The following OLFML2B variants were observed in gnomAD, a reference collection of about 807,000 sequenced individuals.
OLFML2B encodes the protein olfactomedin like 2B.
In OLFML2B, 57 loss-of-function variants were observed where a neutral mutation model predicts 74.9. The ratio of observed to expected loss-of-function variants is 0.76; its 90% CI spans 0.61 to 0.95. OLFML2B has a LOEUF of 0.95. OLFML2B is among the 40% of genes least tolerant of loss of function. The pLI, the probability that OLFML2B is intolerant of heterozygous loss-of-function variation, is 0.00. For synonymous variants in OLFML2B, 388 were observed against 405.8 expected, an observed-to-expected ratio of 0.96 and a Z score of 0.53; for missense variants, 986 against 970.6, an observed-to-expected ratio of 1.02 and a Z score of -0.21.
chr1:162,015,470 G>A (rs528907452), intron 3 of OLFML2B, among the ~76,000 whole-genome samples: 14 of 152,278 alleles, frequency 9.2e-5, no homozygotes, highest in Admixed American at 7.8e-4. Context: ...TGTTCTCCAG[G>A]CAGAATGGCA....
Position 162,005,981 on chromosome 1 carries a change from C to CAT in OLFML2B, c.723+314_723+315dup, listed in dbSNP as rs536630685. Among the ~76,000 whole-genome samples, 243 of 149,922 alleles carry CAT rather than the reference C, an allele frequency of 1.6e-3. 2 individuals carry two copies. Among genetic ancestry groups the CAT allele is most frequent in the African/African-American group, 5.9e-3 (239 of 40,744 alleles). Reference sequence around the variant, plus strand: ...GGATGGTCCCAGACAAGCCAGCATGCATATCTTCCCTATTTACAAACACAA... The same window carrying CAT: ...GGATGGTCCCAGACAAGCCAGCATGCATATATCTTCCCTATTTACAAACACAA... On this transcript the variant is annotated intron_variant, in intron 4 of 7. Coordinates refer to ENST00000294794, the MANE Select transcript of OLFML2B (RefSeq NM_015441.3).
intron 6 of OLFML2B, among the ~76,000 whole-genome samples, chr1:161,986,763 A>G (rs1205121171): frequency 6.6e-6 from 1 of 152,176 alleles, no homozygotes; most frequent in African/African-American, 2.4e-5. Context: ...GCCCTAGCTC[A>G]CCATGAGGAT....
chr1:161,999,450 C>T (rs575177197), intron 5 of OLFML2B, among the ~76,000 whole-genome samples: 121 of 152,162 alleles, frequency 8.0e-4, no homozygotes, highest in African/African-American at 2.7e-3. Context: ...ATGGTGGAGG[C>T]AAAGGCAGAA....
At chr1:162,010,278 G>T (rs536820416) in intron 3 of OLFML2B, among the ~76,000 whole-genome samples, 1 of 152,250 alleles carries the variant, frequency 6.6e-6, no homozygotes, top group Non-Finnish European at 1.5e-5. Flanking sequence ...AGTGCCATGT[G>T]CAGGAGAGGT....
At chr1:162,017,160 T>C (rs1221332783) in intron 3 of OLFML2B, among the ~76,000 whole-genome samples, 1 of 152,174 alleles carries the variant, frequency 6.6e-6, no homozygotes, top group Admixed American at 6.5e-5. Flanking sequence ...GGTTATATGA[T>C]TAAGGGGATT....
Position 162,017,444 on chromosome 1 carries a change from A to T in OLFML2B, c.502T>A (p.Ser168Thr). ...FYGLDLLKLH[S>T]VTTKLVGRVD... ...CGCCCCACCAGTTTGGTGGTGACTGAATGTAGCTTCAGGAGATCCAGGCCA... is the reference window on the plus strand; with the variant it reads ...CGCCCCACCAGTTTGGTGGTGACTGTATGTAGCTTCAGGAGATCCAGGCCA... The change falls in exon 3 of 8, where the codon TCA becomes ACA. Residue 168 changes from serine to threonine, a missense_variant. Physicochemically the swap from Ser to Thr is moderately conservative, Grantham distance 58 (BLOSUM62 1). Coordinates refer to ENST00000294794, the MANE Select transcript of OLFML2B (RefSeq NM_015441.3). The T allele has an allele frequency of 6.2e-7, 1 of 1,613,736 alleles. No homozygotes were observed. Among genetic ancestry groups the T allele is most frequent in the Non-Finnish European group, 8.5e-7 (1 of 1,179,870 alleles).
intron 6 of OLFML2B, among the ~76,000 whole-genome samples, chr1:161,986,134 A>G (rs980854461): frequency 8.6e-5 from 13 of 151,968 alleles, no homozygotes; most frequent in African/African-American, 3.1e-4. Flanking sequence ...CAGCTTCCTT[A>G]CCCCCTGCTG....
At chr1:162,005,139 T>C (rs1690183857) in intron 4 of OLFML2B, among the ~76,000 whole-genome samples, 1 of 152,246 alleles carries the variant, frequency 6.6e-6, no homozygotes, top group Non-Finnish European at 1.5e-5. Context: ...AACAATTCAG[T>C]AAATAACCCA....
chr1:161,998,224 C>T lies in OLFML2B; in HGVS notation c.1075G>A (p.Ala359Thr), dbSNP rs761951928. ...PAATRQGHST[A>T]VTSDLNARTA... The stretch of plus-strand genomic sequence containing the variant: ...CGAGCGTTCAGGTCGCTTGTCACAG[C>T]AGTGCTGTGTCCCTGACGGGTGGCT... The change falls in exon 6 of 8, where the codon GCT becomes ACT. Residue 359 changes from alanine (A) to threonine (T), a missense_variant. Coordinates refer to ENST00000294794, the MANE Select transcript of OLFML2B (RefSeq NM_015441.3). 7 of 1,613,846 alleles carry T rather than the reference C, an allele frequency of 4.3e-6. No individual in the cohort carries two copies. The African/African-American group carries it at 9.3e-5, about 22-fold the overall frequency.
rs78719065 is a variant in OLFML2B, at chr1:162,017,351, C to T, written c.546+49G>A. The stretch of plus-strand genomic sequence containing the variant: ...AATTTACTGTGGGACGTTTGATATG[C>T]TTTTGGGCTCAATCAAGAAAAAGAT... On this transcript the variant is annotated intron_variant, in intron 3 of 7. Coordinates refer to ENST00000294794, the MANE Select transcript of OLFML2B (RefSeq NM_015441.3). The T allele has an allele frequency of 5.4e-3, 7,784 of 1,428,872 alleles. 335 individuals carry two copies. The African/African-American group carries it at 0.093, about 17-fold the overall frequency. 88.5% of individuals were successfully genotyped at this position (1,428,872 alleles called of 1,614,324 possible).
At chr1:161,984,309 G>C in intron 7 of OLFML2B, 33 bp from the exon 8 acceptor site, 1 of 1,513,616 alleles carries the variant, frequency 6.6e-7, no homozygotes, top group East Asian at 2.3e-5. Context: ...AGGCTTCAGA[G>C]TGGCATGGCA....
chr1:162,015,116 T>C (rs1003335083), intron 3 of OLFML2B, among the ~76,000 whole-genome samples: 1 of 152,242 alleles, frequency 6.6e-6, no homozygotes, highest in Non-Finnish European at 1.5e-5. Flanking sequence ...CGTAATATGC[T>C]ATACAAATGT....
chr1:161,985,887 T>G (rs1689581103), intron 6 of OLFML2B, among the ~76,000 whole-genome samples: 1 of 152,178 alleles, frequency 6.6e-6, no homozygotes, highest in South Asian at 2.1e-4. Flanking sequence ...TGGCTCTGGA[T>G]CCGGTGCCCA....
At position 162,012,777 on chromosome 1, in the gene OLFML2B, CACTT is replaced by C. The variant is rs568322505; in HGVS notation, c.546+4619_546+4622del. On this transcript the variant is annotated intron_variant, in intron 3 of 7. Transcript: ENST00000294794. ...CATAAGCATTTCAAGCACTTATAAA[CACTT>C]ACAGGTATCCTGCAGCAAGGTGGGG... Among the ~76,000 whole-genome samples the C allele has an allele frequency of 9.9e-5, 15 of 152,188 alleles. No individual in the cohort carries two copies. The South Asian group carries it at 2.7e-3, about 27-fold the overall frequency.
rs1690662929 is a variant in OLFML2B, at chr1:162,020,187, A to G, written c.175-5T>C. 1 of 1,613,734 alleles carries G rather than the reference A, an allele frequency of 6.2e-7. No homozygotes were observed. The highest frequency in any genetic ancestry group is 8.5e-7 in the Non-Finnish European group (1 of 1,179,666). On this transcript the variant is annotated splice_region_variant and splice_polypyrimidine_tract_variant and intron_variant, in intron 1 of 7. Transcript: ENST00000294794. ...CTTGTCATAGTCCCCCAGCAACTAG[A>G]CACACAGAAAACGGGTTAGGGGCAT...
chr1:162,011,565 C>T (rs1370525209), intron 3 of OLFML2B, among the ~76,000 whole-genome samples: 1 of 152,202 alleles, frequency 6.6e-6, no homozygotes, highest in East Asian at 1.9e-4. Flanking sequence ...ATCCCTCCGA[C>T]CACAGCTGAT....
At position 162,006,207 on chromosome 1, in the gene OLFML2B, T is replaced by C. The variant is rs1409356046; in HGVS notation, c.723+90A>G. The C allele has an allele frequency of 2.6e-5, 33 of 1,273,848 alleles. 1 individual carries two copies. The highest frequency in any genetic ancestry group is 3.5e-5 in the Non-Finnish European group (33 of 942,360). 78.9% of individuals were successfully genotyped at this position (1,273,848 alleles called of 1,614,324 possible). A position where few individuals can be genotyped will look rare whatever the true frequency, so the allele number is the denominator to read the frequency against. On this transcript the variant is annotated intron_variant, in intron 4 of 7. Coordinates refer to ENST00000294794, the MANE Select transcript of OLFML2B (RefSeq NM_015441.3). ...AGCGAGCTCATCTCTGTGAAAGGAC[T>C]GAAGCCTGAAAAGTTCTATGCAGAG...
intron 6 of OLFML2B, among the ~76,000 whole-genome samples, chr1:161,986,258 C>T (rs1689591639): frequency 6.6e-6 from 1 of 152,236 alleles, no homozygotes; most frequent in Admixed American, 6.5e-5. Context: ...AAAGACCCTA[C>T]AGTTTGGCTT....
intron 3 of OLFML2B, among the ~76,000 whole-genome samples, chr1:162,014,507 T>G (rs1358648582): frequency 1.3e-5 from 2 of 152,228 alleles, no homozygotes; most frequent in African/African-American, 4.8e-5. Flanking sequence ...CCCTTTTTTG[T>G]CTTGTCTGAC....
Sources: allele counts gnomAD v4.1 joint callset (sites outside exome capture counted in the v4.1 genomes callset), GRCh38; gene constraint gnomAD v4.1.1; transcripts MANE v1.5; gene names NCBI Gene and HGNC (gene_info 2026-07-23, HGNC 2026-07-21).